The following RCVRN variants were observed in gnomAD, a reference collection of about 807,000 sequenced individuals.
RCVRN encodes the protein cancer associated retinopathy antigen.
In RCVRN, 23 loss-of-function variants were observed where a neutral mutation model predicts 20.4. The ratio of observed to expected loss-of-function variants is 1.13; its 90% CI spans 0.81 to 1.60. The LOEUF (loss-of-function observed/expected upper bound fraction) is 1.60. Ranked by LOEUF, RCVRN falls within the 40% of genes most tolerant of loss-of-function variation. The pLI, the probability that RCVRN is intolerant of heterozygous loss-of-function variation, is 0.00. For missense variants in RCVRN, 254 were observed against 254.2 expected, an observed-to-expected ratio of 1.00 and a Z score of 0.00; for synonymous variants, 105 against 105.9, an observed-to-expected ratio of 0.99 and a Z score of 0.05.
chr17:9,903,432 C>A (rs6503267), intron 1 of RCVRN, among the ~76,000 whole-genome samples: 77,215 of 151,996 alleles, frequency 0.51, 19,723 homozygotes, highest in East Asian at 0.54. Context: ...CCACGCCGCG[C>A]GTGGGAAGCG....
rs2067325377 is a variant in RCVRN, at chr17:9,898,000, G to GTGTGTGCA, written c.*94_*95insTGCACACA. Reference sequence around the variant, plus strand: ...GGGGTGGATGTGTGTGTGTGTGTGTGCGCGCGCGTGTGTGTGCATGTGTGT... The same window carrying GTGTGTGCA: ...GGGGTGGATGTGTGTGTGTGTGTGTGTGTGTGCACGCGCGCGTGTGTGTGCATGTGTGT... On this transcript the variant is annotated 3_prime_UTR_variant, in exon 3 of 3. Transcript: ENST00000226193. 1.7e-5 allele frequency: 12 copies of GTGTGTGCA among 726,014 alleles called. No homozygotes were observed. Among genetic ancestry groups the GTGTGTGCA allele is most frequent in the South Asian group, 1.3e-4 (9 of 66,886 alleles). The allele number at this position is 726,014 out of a possible 1,614,324, so 45.0% of individuals were successfully genotyped here. A position where few individuals can be genotyped will look rare whatever the true frequency, so the allele number is the denominator to read the frequency against.
chr17:9,898,141 A>T lies in RCVRN; in HGVS notation c.557T>A (p.Ile186Asn), dbSNP rs541814151. 4 of 1,613,996 alleles carry T rather than the reference A, an allele frequency of 2.5e-6. No individual in the cohort carries two copies. The highest frequency in any genetic ancestry group is 2.2e-5 in the South Asian group (2 of 91,066). Residue 186 changes from isoleucine (I) to asparagine (N), a missense_variant, in exon 3 of 3, where the codon ATC (isoleucine) becomes AAC (asparagine). By Grantham distance (149) the Ile-to-Asn change is moderately radical (BLOSUM62 -3). Transcript: ENST00000226193. Reference protein sequence around the residue: ...TLANKEILRLIQFEPQKVKEK... With the variant: ...TLANKEILRLNQFEPQKVKEK... ...CTTCACTTTTTGAGGCTCAAACTGG[A>T]TCAGTCGCAGAATTTCCTTATTGGC...
chr17:9,900,282 C>A (rs1040995153), intron 2 of RCVRN, among the ~76,000 whole-genome samples: 1 of 152,174 alleles, frequency 6.6e-6, no homozygotes, highest in African/African-American at 2.4e-5. Context: ...CACAGACACA[C>A]AGCCCCAGCA....
In RCVRN at chr17:9,897,717, C is replaced by T. The variant is rs2067323669; in HGVS notation, c.*378G>A. The T allele has an allele frequency of 5.6e-6, 1 of 178,522 alleles. No individual in the cohort carries two copies. Among genetic ancestry groups the T allele is most frequent in the Admixed American group, 6.0e-5 (1 of 16,762 alleles). 11.1% of individuals were successfully genotyped at this position (178,522 alleles called of 1,614,324 possible). A position where few individuals can be genotyped will look rare whatever the true frequency, so the allele number is the denominator to read the frequency against. ...ATGACCAGCAGCCACGTGCCCAGCT[C>T]AGCTTGCGTTTATTGGAAACTGCTT... On this transcript the variant is annotated 3_prime_UTR_variant, in exon 3 of 3. Transcript: ENST00000226193.
At position 9,905,255 on chromosome 17, in the gene RCVRN, G is replaced by A; in HGVS notation, c.-75C>T. The A allele has an allele frequency of 1.4e-6, 2 of 1,459,228 alleles. No homozygotes were observed. Among genetic ancestry groups the A allele is most frequent in the Non-Finnish European group, 1.8e-6 (2 of 1,095,988 alleles). 90.4% of individuals were successfully genotyped at this position (1,459,228 alleles called of 1,614,324 possible). Reference sequence around the variant, plus strand: ...GTGCGTGGTCCCCTGGCCGCAGGCTGGGCTCAAGGCTGGTGTGAGCTGAAG... The same window carrying A: ...GTGCGTGGTCCCCTGGCCGCAGGCTAGGCTCAAGGCTGGTGTGAGCTGAAG... On this transcript the variant is annotated 5_prime_UTR_variant, in exon 1 of 3. Transcript: ENST00000226193.
chr17:9,901,017 G>A lies in RCVRN; in HGVS notation c.465C>T (p.Ile155=), dbSNP rs779418498. ...ENTPEKRAEK[I]WKYFGKNDDD... ...CATCATTCTTTCCAAAGTACTTCCA[G>A]ATCTTCTCGGCTCGCTTTTCCGGCG... Residue 155 remains isoleucine (I), a synonymous_variant, in exon 2 of 3, where the codon ATC becomes ATT. Transcript: ENST00000226193. 1.9e-6 allele frequency: 3 copies of A among 1,608,370 alleles called. No homozygotes were observed. Among genetic ancestry groups the A allele is most frequent in the Admixed American group, 3.3e-5 (2 of 59,898 alleles).
rs1175079593 is a variant in RCVRN at position 9,898,210 on chromosome 17, C to T, written c.494-6G>A. ...TTCTTTCTCTGTAAGTTTATCTGTG[C>T]ATTGGGAAAAAATATATACGTACAT... is the stretch of plus-strand genomic sequence containing the variant. On this transcript the variant is annotated splice_region_variant and splice_polypyrimidine_tract_variant and intron_variant, in intron 2 of 2. Transcript: ENST00000226193. 25 of 1,580,224 alleles carry T rather than the reference C, an allele frequency of 1.6e-5. No individual in the cohort carries two copies. The highest frequency in any genetic ancestry group is 2.2e-5 in the Non-Finnish European group (25 of 1,149,520).
intron 2 of RCVRN, 72 bp from the exon 3 acceptor site, chr17:9,898,276 C>T: frequency 1.1e-6 from 1 of 898,366 alleles, no homozygotes; most frequent in East Asian, 2.4e-5. Flanking sequence ...TGCGATGAGG[C>T]TGACATCTAG....
Position 9,905,269 on chromosome 17 carries a change from T to A in RCVRN, c.-89A>T. The A allele has an allele frequency of 7.3e-7, 1 of 1,376,014 alleles. No homozygotes were observed. 85.2% of individuals were successfully genotyped at this position (1,376,014 alleles called of 1,614,324 possible). On this transcript the variant is annotated 5_prime_UTR_variant, in exon 1 of 3. Transcript: ENST00000226193. The stretch of plus-strand genomic sequence containing the variant: ...GGCCGCAGGCTGGGCTCAAGGCTGG[T>A]GTGAGCTGAAGACCGAGATGCTGGT...
rs909987785 is a variant in RCVRN, at chr17:9,897,536, C to T, written c.*559G>A. ...CTGGGCCACTGGTCATGGCTCCTTC[C>T]AGGTTCATTGTCCCCTCTGGACCAT... On this transcript the variant is annotated 3_prime_UTR_variant, in exon 3 of 3. Coordinates refer to ENST00000226193, the MANE Select transcript of RCVRN (RefSeq NM_002903.3). 1 of 152,816 alleles carries T rather than the reference C, an allele frequency of 6.5e-6. No homozygotes were observed. The highest frequency in any genetic ancestry group is 2.4e-5 in the African/African-American group (1 of 41,434). 9.5% of individuals were successfully genotyped at this position (152,816 alleles called of 1,614,324 possible).
chr17:9,899,659 G>A lies in RCVRN; in HGVS notation c.493+1330C>T, dbSNP rs2067333133. ...AGGAGAGAGTGCTCAAAGGTGAGGG[G>A]CCAATCCGGGCCGATGAGGGAAAGG... On this transcript the variant is annotated intron_variant, in intron 2 of 2. Transcript: ENST00000226193. The surrounding 1 kb of genome is among the most constrained non-coding windows in gnomAD (Gnocchi z 4.6). 6.6e-6 allele frequency among the ~76,000 whole-genome samples: 1 copy of A among 152,176 alleles called. No individual in the cohort carries two copies. The highest frequency in any genetic ancestry group is 6.5e-5 in the Admixed American group (1 of 15,280).
In RCVRN at chr17:9,899,183, C is replaced by A. The variant is rs1239013785; in HGVS notation, c.494-979G>T. ...TGCCTAGCACAGAGTCGGTGCTCAA[C>A]AAAGCTTTGCTGAACTGAATGTGAT... is the stretch of plus-strand genomic sequence containing the variant. On this transcript the variant is annotated intron_variant, in intron 2 of 2. Transcript: ENST00000226193. The surrounding 1 kb of genome is among the most constrained non-coding windows in gnomAD (Gnocchi z 4.6). Among the ~76,000 whole-genome samples, 1 of 152,212 alleles carries A rather than the reference C, an allele frequency of 6.6e-6. No individual in the cohort carries two copies. Among genetic ancestry groups the A allele is most frequent in the Admixed American group, 6.5e-5 (1 of 15,288 alleles).
Position 9,897,382 on chromosome 17 carries a change from C to CCCCGCCT in RCVRN, c.*706_*712dup, listed in dbSNP as rs1198160040. The CCCCGCCT allele has an allele frequency of 6.6e-6, 1 of 151,790 alleles. No individual in the cohort carries two copies. The highest frequency in any genetic ancestry group is 1.5e-5 in the Non-Finnish European group (1 of 67,926). 9.4% of individuals were successfully genotyped at this position (151,790 alleles called of 1,614,324 possible). On this transcript the variant is annotated 3_prime_UTR_variant, in exon 3 of 3. Coordinates refer to ENST00000226193, the MANE Select transcript of RCVRN (RefSeq NM_002903.3). ...GAGACTTCCCCACCCCGACCCCGTC[C>CCCCGCCT]CCCGCCTCGTGTGCAGTGGTTCTGA...
intron 2 of RCVRN, among the ~76,000 whole-genome samples, chr17:9,900,084 C>A (rs1288219729): frequency 6.6e-6 from 1 of 152,146 alleles, no homozygotes; most frequent in Non-Finnish European, 1.5e-5. Flanking sequence ...GGTTCCATAG[C>A]CCCACATGGA....
Position 9,901,058 on chromosome 17 carries a change from G to A in RCVRN, c.424C>T (p.Pro142Ser), listed in dbSNP as rs369071188. 1.2e-6 allele frequency: 2 copies of A among 1,609,870 alleles called. No individual in the cohort carries two copies. Among genetic ancestry groups the A allele is most frequent in the Non-Finnish European group, 1.7e-6 (2 of 1,176,706 alleles). Residue 142 changes from proline (P) to serine (S), a missense_variant, in exon 2 of 3, where the codon CCA becomes TCA. Pro to Ser is a moderately conservative substitution (Grantham distance 74). Coordinates refer to ENST00000226193, the MANE Select transcript of RCVRN (RefSeq NM_002903.3). ...TTTTCCGGCGTGTTTTCATCGTCTG[G>A]AAGGAGCTTCACGTCCTCGGGAGTG... ...MITPEDVKLLPDDENTPEKRA... is the reference protein window; with the variant it reads ...MITPEDVKLLSDDENTPEKRA...
Position 9,898,167 on chromosome 17 carries a change from C to T in RCVRN, c.531G>A (p.Leu177=). ...LTEKEFIEGT[L]ANKEILRLIQ... is the part of the protein sequence containing the mutation. ...TCAGTCGCAGAATTTCCTTATTGGC[C>T]AGTGTCCCCTCAATGAATTCTTTCT... Residue 177 remains leucine (L), a synonymous_variant, in exon 3 of 3, where the codon CTG becomes CTA. Transcript: ENST00000226193. 9.3e-6 allele frequency: 15 copies of T among 1,613,742 alleles called. No homozygotes were observed. Among genetic ancestry groups the T allele is most frequent in the Non-Finnish European group, 1.3e-5 (15 of 1,179,686 alleles).
rs148510524 is a variant in RCVRN, at chr17:9,904,229, G to A, written c.381+571C>T. ...GCACTCCAGCTCTGGGCTACAGAGT[G>A]AGACTCCATCTCAAAAAAATAAAAA... On this transcript the variant is annotated intron_variant, in intron 1 of 2. Coordinates refer to ENST00000226193, the MANE Select transcript of RCVRN (RefSeq NM_002903.3). The surrounding 1 kb of genome is among the most constrained non-coding windows in gnomAD (Gnocchi z 5.8). Among the ~76,000 whole-genome samples, 3 of 152,246 alleles carry A rather than the reference G, an allele frequency of 2.0e-5. No individual in the cohort carries two copies. Among genetic ancestry groups the A allele is most frequent in the Non-Finnish European group, 4.4e-5 (3 of 68,018 alleles).
intron 1 of RCVRN, among the ~76,000 whole-genome samples, chr17:9,903,816 G>C (rs865792847): frequency 6.6e-6 from 1 of 152,192 alleles, no homozygotes; most frequent in African/African-American, 2.4e-5. Flanking sequence ...CCAGCCTTTT[G>C]CTCCTAGGCT....
rs1423711982 is a variant in RCVRN at position 9,897,447 on chromosome 17, C to T, written c.*648G>A. 6.6e-6 allele frequency: 1 copy of T among 150,416 alleles called. No homozygotes were observed. Among genetic ancestry groups the T allele is most frequent in the Non-Finnish European group, 1.5e-5 (1 of 67,260 alleles). The allele number at this position is 150,416 out of a possible 1,614,324, so 9.3% of individuals were successfully genotyped here. On this transcript the variant is annotated 3_prime_UTR_variant, in exon 3 of 3. Transcript: ENST00000226193. ...TCGTCAGGGATGTGGTCCCTGATCC[C>T]CCCTGACAAGTCAGCCCCTTCCACT...
Sources: gnomAD v4.1 joint callset for allele counts (sites outside exome capture counted in the v4.1 genomes callset) on GRCh38, gnomAD v4.1.1 for gene constraint, Gnocchi (gnomAD v3.1) non-coding constraint, MANE v1.5 for transcripts, NCBI Gene and HGNC (gene_info 2026-07-23, HGNC 2026-07-21) for gene names.